Variants in SGCD observed in about 807,000 individuals in gnomAD.
SGCD encodes the protein sarcoglycan delta.
In SGCD, 18 loss-of-function variants were observed where a neutral mutation model predicts 36.6. That is an observed-to-expected ratio of 0.49 (90% CI 0.34 to 0.73). SGCD has a LOEUF of 0.73. SGCD is among the 30% of genes least tolerant of loss of function. The pLI, the probability that SGCD is intolerant of heterozygous loss-of-function variation, is 0.01. For synonymous variants in SGCD, 133 were observed against 130.6 expected (o/e 1.02, Z -0.12); for missense variants, 387 against 346.7 (o/e 1.12, Z -0.92).
intron 1 of SGCD, among the ~76,000 whole-genome samples, chr5:156,026,782 T>C (rs1759234437): frequency 6.6e-6 from 1 of 152,102 alleles, no homozygotes; most frequent in African/African-American, 2.4e-5. Context: ...GGAATATGGG[T>C]CTTTGGGAAA....
chr5:156,257,461 G>A (rs1268603288), intron 3 of SGCD, among the ~76,000 whole-genome samples: 3 of 152,098 alleles, frequency 2.0e-5, no homozygotes, highest in Admixed American at 6.5e-5. Flanking sequence ...GCGACAGAGC[G>A]AGACTCCGTC....
chr5:155,916,799 C>A (rs1756752099), intron 1 of SGCD, among the ~76,000 whole-genome samples: 1 of 152,158 alleles, frequency 6.6e-6, no homozygotes, highest in Non-Finnish European at 1.5e-5. Context: ...TTTCAAAATT[C>A]TTTCAGTGTA....
intron 3 of SGCD, among the ~76,000 whole-genome samples, chr5:156,468,727 C>G (rs551594134): frequency 1.3e-5 from 2 of 152,290 alleles, no homozygotes; most frequent in East Asian, 3.9e-4. Context: ...TGTGGTGGCT[C>G]ATGCCTGTAA....
At chr5:156,393,976 A>T (rs1771719708) in intron 3 of SGCD, 1 of 364,382 alleles carries the variant, frequency 2.7e-6, no homozygotes, top group African/African-American at 2.1e-5. Flanking sequence ...CTAAGCAGTA[A>T]AAGACAAAGA....
chr5:156,589,794 C>A (rs1760650519), intron 5 of SGCD, among the ~76,000 whole-genome samples: 1 of 152,172 alleles, frequency 6.6e-6, no homozygotes, highest in South Asian at 2.1e-4. Flanking sequence ...TTGAACCTAA[C>A]TCAATTGCAG....
At chr5:156,108,649 A>G (rs1307731648) in intron 1 of SGCD, among the ~76,000 whole-genome samples, 1 of 152,176 alleles carries the variant, frequency 6.6e-6, no homozygotes, top group Non-Finnish European at 1.5e-5. Flanking sequence ...TAGTTAAAGC[A>G]TTGATATTAT....
the SGCD span, among the ~76,000 whole-genome samples, chr5:155,794,715 A>T: frequency 1.3e-4 from 20 of 151,970 alleles, no homozygotes; most frequent in African/African-American, 4.8e-4. Flanking sequence ...TGTACAGGTA[A>T]TTGGAGTACT....
the SGCD span, among the ~76,000 whole-genome samples, chr5:155,857,655 G>T: frequency 1.3e-5 from 2 of 152,302 alleles, no homozygotes; most frequent in East Asian, 3.9e-4. Flanking sequence ...GGGTGTAAGG[G>T]TAAGAAGGCA....
chr5:156,676,046 C>A (rs1283599378), intron 7 of SGCD, among the ~76,000 whole-genome samples: 4 of 152,202 alleles, frequency 2.6e-5, no homozygotes, highest in African/African-American at 9.6e-5. Context: ...TGAAATTACA[C>A]ATTAAACTCT....
Position 156,144,558 on chromosome 5 carries a change from A to G in SGCD, c.-44+20539A>G, listed in dbSNP as rs533328839. On this transcript the variant is annotated intron_variant, in intron 3 of 9. Transcript: ENST00000517913. The stretch of plus-strand genomic sequence containing the variant: ...CTTCTTTTGAGAAGTGTCTGTTCAT[A>G]TCCTTCGCCCACTTGTTGATGGGGT... 7.4e-4 allele frequency among the ~76,000 whole-genome samples: 113 copies of G among 152,250 alleles called. 1 individual carries two copies. The highest frequency in any genetic ancestry group is 1.2e-3 in the Non-Finnish European group (85 of 68,026).
chr5:156,591,496 G>A (rs1663364515), intron 5 of SGCD, among the ~76,000 whole-genome samples: 1 of 152,176 alleles, frequency 6.6e-6, no homozygotes, highest in Admixed American at 6.6e-5. Context: ...AGATGCTTTG[G>A]ACAGCATCAT....
chr5:156,700,672 G>A (rs1754493285), intron 7 of SGCD, among the ~76,000 whole-genome samples: 2 of 152,134 alleles, frequency 1.3e-5, no homozygotes, highest in Admixed American at 6.6e-5. Context: ...TGCTGGGCAT[G>A]GTGGCTCACA....
rs201378824 is a variant in SGCD at position 156,185,850 on chromosome 5, TAGAGAGAGAGAGAG to T, written c.-44+61854_-44+61867del. On this transcript the variant is annotated intron_variant, in intron 3 of 9. Transcript: ENST00000517913. ...GTGTGTGTGTATATATATATATATA[TAGAGAGAGAGAGAG>T]AGAGAGAGAGAGAGAGAGAGAGGGC... is the stretch of plus-strand genomic sequence containing the variant. Among the ~76,000 whole-genome samples, 168 of 49,878 alleles carry T rather than the reference TAGAGAGAGAGAGAG, an allele frequency of 3.4e-3. 20 individuals carry two copies. The highest frequency in any genetic ancestry group is 5.3e-3 in the East Asian group (19 of 3,600). 32.7% of individuals were successfully genotyped at this position (49,878 alleles called of 152,430 possible).
intron 3 of SGCD, among the ~76,000 whole-genome samples, chr5:156,405,981 G>A (rs1211587524): frequency 7.4e-6 from 1 of 134,278 alleles, no homozygotes; most frequent in Non-Finnish European, 1.5e-5. Flanking sequence ...ACTCCTGTGT[G>A]TAGATATCAC....
intron 1 of SGCD, among the ~76,000 whole-genome samples, chr5:156,021,666 C>T (rs1209572703): frequency 2.0e-5 from 3 of 152,046 alleles, no homozygotes; most frequent in Admixed American, 6.6e-5. Flanking sequence ...ACTTGGGCCT[C>T]GGCAACCTGT....
At chr5:156,179,319 A>AT (rs1199283770) in intron 3 of SGCD, among the ~76,000 whole-genome samples, 2 of 152,092 alleles carry the variant, frequency 1.3e-5, no homozygotes, top group Non-Finnish European at 2.9e-5. Flanking sequence ...GCTACATGCA[A>AT]TTTTTCATGG....
intron 1 of SGCD, among the ~76,000 whole-genome samples, chr5:156,079,073 A>G (rs577905628): frequency 6.6e-6 from 1 of 151,818 alleles, no homozygotes; most frequent in South Asian, 2.1e-4. Flanking sequence ...TGCAGGCTAT[A>G]TAGGTAGCAT....
the SGCD span, among the ~76,000 whole-genome samples, chr5:155,842,249 T>TG: frequency 6.6e-5 from 10 of 150,424 alleles, no homozygotes; most frequent in African/African-American, 2.2e-4. Flanking sequence ...TTGAGGTGTT[T>TG]TTTTTTTTTT....
intron 3 of SGCD, among the ~76,000 whole-genome samples, chr5:156,236,451 CT>C (rs34510001): frequency 3.2e-3 from 452 of 142,086 alleles, no homozygotes; most frequent in African/African-American, 5.9e-3. Context: ...AATTCGTATA[CT>C]TTTTTTTTTT....
Sources: gnomAD v4.1 joint callset for allele counts (sites outside exome capture counted in the v4.1 genomes callset) on GRCh38, gnomAD v4.1.1 for gene constraint, MANE v1.5 for transcripts, NCBI Gene and HGNC (gene_info 2026-07-23, HGNC 2026-07-21) for gene names.